The following GUCA1C variants were observed in gnomAD, a reference collection of about 807,000 sequenced individuals.
GUCA1C encodes the protein guanylyl cyclase-activating protein 3.
A neutral mutation model predicts 16.2 loss-of-function variants in GUCA1C; 15 were observed. That is an observed-to-expected ratio of 0.93 (90% CI 0.62 to 1.43). GUCA1C has a LOEUF of 1.43. Ranked by LOEUF, GUCA1C falls within the 40% of genes most tolerant of loss-of-function variation. GUCA1C has a pLI of 0.00. For missense variants in GUCA1C, 275 were observed against 244.8 expected (o/e 1.12, Z -0.82); for synonymous variants, 78 against 85.4 (o/e 0.91, Z 0.48).
At chr3:108,921,194 T>C (rs1325120821) in intron 1 of GUCA1C, among the ~76,000 whole-genome samples, 1 of 152,172 alleles carries the variant, frequency 6.6e-6, no homozygotes, top group African/African-American at 2.4e-5. Flanking sequence ...ATGTAGTATA[T>C]AGTATGTAGC....
chr3:108,918,259 A>G (rs183663993), intron 2 of GUCA1C, among the ~76,000 whole-genome samples: 2 of 152,264 alleles, frequency 1.3e-5, no homozygotes, highest in Admixed American at 1.3e-4. Context: ...ACAGTACTCT[A>G]GGTCTACCTG....
chr3:108,923,860 G>A (rs1309179725), intron 1 of GUCA1C, among the ~76,000 whole-genome samples: 1 of 152,054 alleles, frequency 6.6e-6, no homozygotes, highest in Non-Finnish European at 1.5e-5. Flanking sequence ...TCGTAGAGGT[G>A]TTTCGACTCC....
At chr3:108,942,630 T>C (rs1276227686) in intron 1 of GUCA1C, among the ~76,000 whole-genome samples, 1 of 152,184 alleles carries the variant, frequency 6.6e-6, no homozygotes, top group Non-Finnish European at 1.5e-5. Flanking sequence ...CCCTTCACCA[T>C]ATTACCAGGT....
chr3:108,916,347 G>A, intron 2 of GUCA1C, 133 bp from the exon 3 acceptor site: 1 of 723,298 alleles, frequency 1.4e-6, no homozygotes, highest in Non-Finnish European at 2.3e-6. Context: ...GTTGTTAAAA[G>A]TAAATAAAAA....
chr3:108,935,004 G>A (rs1404850536), intron 1 of GUCA1C, among the ~76,000 whole-genome samples: 1 of 151,688 alleles, frequency 6.6e-6, no homozygotes, highest in Non-Finnish European at 1.5e-5. Flanking sequence ...TAGTAGAGAC[G>A]GGGTTTCACC....
At chr3:108,925,768 G>A (rs1946617738) in intron 1 of GUCA1C, among the ~76,000 whole-genome samples, 1 of 152,102 alleles carries the variant, frequency 6.6e-6, no homozygotes, top group Admixed American at 6.6e-5. Context: ...TCATTTCTTA[G>A]GTCTAGTAAT....
chr3:108,922,196 CACACACAT>C lies in GUCA1C; in HGVS notation c.205-1619_205-1612del, dbSNP rs1352955706. Reference sequence around the variant, plus strand: ...ACACACACACACACACACACACACACACACACATATATATATGGATAATTTTCTTTATC... The same window carrying C: ...ACACACACACACACACACACACACACATATATATGGATAATTTTCTTTATC... On this transcript the variant is annotated intron_variant, in intron 1 of 3. Transcript: ENST00000261047. Among the ~76,000 whole-genome samples the C allele has an allele frequency of 8.1e-3, 386 of 47,896 alleles. 3 individuals carry two copies. The highest frequency in any genetic ancestry group is 0.032 in the Middle Eastern group (2 of 62). 31.4% of individuals were successfully genotyped at this position (47,896 alleles called of 152,430 possible). A position where few individuals can be genotyped will look rare whatever the true frequency, so the allele number is the denominator to read the frequency against.
At position 108,908,352 on chromosome 3, in the gene GUCA1C, T is replaced by TAAAA. The variant is rs1468970590; in HGVS notation, c.443-144_443-143insTTTT. 116 of 347,550 alleles carry TAAAA rather than the reference T, an allele frequency of 3.3e-4. 3 individuals carry two copies. The highest frequency in any genetic ancestry group is 2.9e-3 in the African/African-American group (108 of 36,772). The allele number at this position is 347,550 out of a possible 1,614,324, so 21.5% of individuals were successfully genotyped here. On this transcript the variant is annotated intron_variant, in intron 3 of 3. Coordinates refer to ENST00000261047, the MANE Select transcript of GUCA1C (RefSeq NM_005459.4). ...TCTAAGATCTTTGAAGATCTTCATTTAAACAAAAAAAAAAAAAAAAAGCAT... is the reference window on the plus strand; with the variant it reads ...TCTAAGATCTTTGAAGATCTTCATTTAAAAAAACAAAAAAAAAAAAAAAAAGCAT...
intron 1 of GUCA1C, among the ~76,000 whole-genome samples, chr3:108,937,272 AT>A (rs147355986): frequency 6.6e-6 from 1 of 152,256 alleles, no homozygotes; most frequent in East Asian, 1.9e-4. Flanking sequence ...GGCCAGACTA[AT>A]TCTTCCATTC....
At chr3:108,922,160 AACAC>A (rs56788372) in intron 1 of GUCA1C, among the ~76,000 whole-genome samples, 2,516 of 51,986 alleles carry the variant, frequency 0.048, 72 homozygotes, top group Admixed American at 0.12. Flanking sequence ...CACATACACA[AACAC>A]ACACACACAC....
At chr3:108,938,507 T>C (rs1054708438) in intron 1 of GUCA1C, among the ~76,000 whole-genome samples, 2 of 152,234 alleles carry the variant, frequency 1.3e-5, no homozygotes, top group South Asian at 4.1e-4. Context: ...ACTTTAAAAA[T>C]AGGCAATATA....
chr3:108,915,823 G>A (rs965757476), intron 3 of GUCA1C: 2 of 394,834 alleles, frequency 5.1e-6, no homozygotes, highest in Admixed American at 4.2e-5. Flanking sequence ...TTAATAGAAT[G>A]TGTCTCAGAG....
chr3:108,954,873 A>T (rs376336560), upstream of GUCA1C, among the ~76,000 whole-genome samples: 2 of 151,460 alleles, frequency 1.3e-5, no homozygotes, highest in East Asian at 3.9e-4. Context: ...AGTAGCTGGG[A>T]CTACAGGCGC....
At chr3:108,931,271 ATGT>A (rs915833779) in intron 1 of GUCA1C, among the ~76,000 whole-genome samples, 1 of 150,282 alleles carries the variant, frequency 6.7e-6, no homozygotes, top group African/African-American at 2.5e-5. Context: ...AAATAGAGCA[ATGT>A]TGCCCTTAGA....
chr3:108,920,923 C>T (rs1047144457), intron 1 of GUCA1C, among the ~76,000 whole-genome samples: 3 of 152,164 alleles, frequency 2.0e-5, no homozygotes, highest in Admixed American at 6.5e-5. Flanking sequence ...GTTACAGTTG[C>T]TGAACCTACA....
chr3:108,939,323 G>GTTTTTTTTTTTTTTTTTTTTTT (rs1491279760), intron 1 of GUCA1C, among the ~76,000 whole-genome samples: 2 of 33,226 alleles, frequency 6.0e-5, no homozygotes, highest in Admixed American at 2.7e-4. Context: ...TTGCTTCAAG[G>GTTTTTTTTTTTTTTTTTTTTTT]CTTTTTTTTT....
intron 1 of GUCA1C, among the ~76,000 whole-genome samples, chr3:108,934,376 C>T (rs187738862): frequency 6.6e-6 from 1 of 152,048 alleles, no homozygotes; most frequent in East Asian, 1.9e-4. Flanking sequence ...TAGATCCCGC[C>T]GAGGCTGCAG....
At chr3:108,928,564 A>G (rs932967368) in intron 1 of GUCA1C, among the ~76,000 whole-genome samples, 2 of 152,146 alleles carry the variant, frequency 1.3e-5, no homozygotes, top group Non-Finnish European at 2.9e-5. Flanking sequence ...GGAGTTTTAT[A>G]GTTTTGCATT....
intron 1 of GUCA1C, among the ~76,000 whole-genome samples, chr3:108,942,809 A>G (rs1360863504): frequency 1.3e-5 from 2 of 152,192 alleles, no homozygotes; most frequent in South Asian, 4.1e-4. Flanking sequence ...TAGGACAGAG[A>G]CTAATTATTA....
Sources: gnomAD v4.1 joint callset for allele counts (sites outside exome capture counted in the v4.1 genomes callset) on GRCh38, gnomAD v4.1.1 for gene constraint, MANE v1.5 for transcripts, NCBI Gene and HGNC (gene_info 2026-07-23, HGNC 2026-07-21) for gene names.